NELL1: variants seen among roughly 807,000 people sequenced by gnomAD.
The protein encoded by NELL1 is neural EGFL like 1.
Under a neutral mutation model 107.4 loss-of-function variants are expected in NELL1, and 76 were observed. The ratio of observed to expected loss-of-function variants is 0.71; its 90% CI spans 0.59 to 0.86. NELL1 has a LOEUF of 0.86. Ranked by LOEUF, NELL1 falls within the 40% of genes least tolerant of loss-of-function variation. The pLI is 0.00. For missense variants in NELL1, 1,024 were observed against 1,005.5 expected (o/e 1.02, Z -0.25); for synonymous variants, 353 against 341.2 (o/e 1.03, Z -0.38).
intron 2 of NELL1, among the ~76,000 whole-genome samples, chr11:20,753,799 C>A (rs1390229961): frequency 6.6e-6 from 1 of 152,200 alleles, no homozygotes; most frequent in East Asian, 1.9e-4. Context: ...TATATTTAGG[C>A]AGGCTGTCCC....
chr11:20,868,466 G>A (rs1159747447), intron 4 of NELL1, among the ~76,000 whole-genome samples: 2 of 152,068 alleles, frequency 1.3e-5, no homozygotes, highest in African/African-American at 2.4e-5. Context: ...AGATAGTGGT[G>A]ATAATTGCAT....
intron 15 of NELL1, among the ~76,000 whole-genome samples, chr11:21,459,961 A>C (rs764098541): frequency 2.6e-5 from 4 of 152,082 alleles, no homozygotes; most frequent in Non-Finnish European, 4.4e-5. Context: ...TTATATTCTT[A>C]TGTTCAGAAC....
chr11:21,140,522 G>A (rs1260751185), intron 13 of NELL1, among the ~76,000 whole-genome samples: 1 of 152,140 alleles, frequency 6.6e-6, no homozygotes, highest in East Asian at 1.9e-4. Context: ...TATTCTGAAG[G>A]TCATCTCTCT....
intron 15 of NELL1, among the ~76,000 whole-genome samples, chr11:21,391,895 C>G (rs914705670): frequency 6.6e-6 from 1 of 151,730 alleles, no homozygotes; most frequent in African/African-American, 2.4e-5. Context: ...CTCAGTTTAC[C>G]TATGTGGGAT....
intron 12 of NELL1, among the ~76,000 whole-genome samples, chr11:21,048,752 A>G (rs1023136860): frequency 6.6e-6 from 1 of 152,082 alleles, no homozygotes; most frequent in Non-Finnish European, 1.5e-5. Context: ...TTCCATGCAC[A>G]TGGAATGTCC....
At chr11:21,044,424 C>T (rs1352998676) in intron 12 of NELL1, among the ~76,000 whole-genome samples, 1 of 152,072 alleles carries the variant, frequency 6.6e-6, no homozygotes, top group Non-Finnish European at 1.5e-5. Context: ...TGTTAAGCAA[C>T]GCATTTGAGA....
At chr11:21,440,404 G>A (rs935328621) in intron 15 of NELL1, among the ~76,000 whole-genome samples, 2 of 150,884 alleles carry the variant, frequency 1.3e-5, no homozygotes, top group Non-Finnish European at 3.0e-5. Flanking sequence ...GTTAATTAAA[G>A]TATTTATCTG....
At chr11:20,971,348 GAGA>G (rs1250825433) in intron 12 of NELL1, among the ~76,000 whole-genome samples, 3 of 152,004 alleles carry the variant, frequency 2.0e-5, no homozygotes, top group African/African-American at 7.2e-5. Context: ...AAAGAAGGAA[GAGA>G]AGAAGAAAAA....
At chr11:20,959,292 G>T (rs959029069) in intron 11 of NELL1, among the ~76,000 whole-genome samples, 2 of 152,146 alleles carry the variant, frequency 1.3e-5, no homozygotes, top group East Asian at 1.9e-4. Context: ...AGAACTAAAA[G>T]TAGAATTTGA....
chr11:21,418,727 G>A (rs1852581721), intron 15 of NELL1, among the ~76,000 whole-genome samples: 1 of 152,104 alleles, frequency 6.6e-6, no homozygotes, highest in African/African-American at 2.4e-5. Context: ...ATAAGTAGAA[G>A]TAACTTGTAT....
At chr11:20,690,380 T>C (rs1267501887) in intron 2 of NELL1, among the ~76,000 whole-genome samples, 4 of 152,264 alleles carry the variant, frequency 2.6e-5, no homozygotes, top group African/African-American at 7.2e-5. Flanking sequence ...TGAATGGTGA[T>C]GCCTGGGTTT....
rs78327689 is a variant in NELL1 at position 21,119,350 on chromosome 11, T to C, written c.1426+5636T>C. Among the ~76,000 whole-genome samples, 73 of 150,952 alleles carry C rather than the reference T, an allele frequency of 4.8e-4. 2 individuals are homozygous for C. The East Asian group carries it at 0.014, about 30-fold the overall frequency. On this transcript the variant is annotated intron_variant, in intron 13 of 19. Coordinates refer to ENST00000357134, the MANE Select transcript of NELL1 (RefSeq NM_006157.5). ...CAATGCATTACACAGAACAGGAAAC[T>C]TTAGCTCTTACCCAACATTTTTCTT... is the stretch of plus-strand genomic sequence containing the variant.
intron 11 of NELL1, among the ~76,000 whole-genome samples, chr11:20,957,305 A>C (rs1328523233): frequency 6.6e-6 from 1 of 152,254 alleles, no homozygotes; most frequent in African/African-American, 2.4e-5. Flanking sequence ...CTAAAAGCTT[A>C]GGGCTAGACT....
intron 15 of NELL1, among the ~76,000 whole-genome samples, chr11:21,471,227 T>C (rs1854172043): frequency 6.6e-6 from 1 of 151,968 alleles, no homozygotes; most frequent in African/African-American, 2.4e-5. Context: ...TTTTCAGCAG[T>C]CTTTCTCTAT....
chr11:21,179,452 T>C (rs1367757190), intron 13 of NELL1, among the ~76,000 whole-genome samples: 1 of 151,900 alleles, frequency 6.6e-6, no homozygotes, highest in African/African-American at 2.4e-5. Context: ...GTGGCTGTGC[T>C]TCATGATGTG....
At chr11:21,050,699 A>G (rs1853471009) in intron 12 of NELL1, among the ~76,000 whole-genome samples, 1 of 130,616 alleles carries the variant, frequency 7.7e-6, no homozygotes, top group Admixed American at 7.1e-5. Flanking sequence ...GGATGAAGAA[A>G]TACCAGGGTC....
At chr11:21,041,163 G>C (rs1270543752) in intron 12 of NELL1, among the ~76,000 whole-genome samples, 1 of 152,176 alleles carries the variant, frequency 6.6e-6, no homozygotes, top group East Asian at 1.9e-4. Flanking sequence ...GCACTTGACT[G>C]AGAAGGCTTG....
chr11:20,899,014 T>C (rs1275003230), intron 5 of NELL1, among the ~76,000 whole-genome samples: 1 of 152,140 alleles, frequency 6.6e-6, no homozygotes, highest in African/African-American at 2.4e-5. Context: ...TAGTAGGTAA[T>C]TAGAGGGAAA....
chr11:20,974,984 A>G (rs1359581388), intron 12 of NELL1, among the ~76,000 whole-genome samples: 1 of 152,006 alleles, frequency 6.6e-6, no homozygotes, highest in Non-Finnish European at 1.5e-5. Context: ...CATTAACATT[A>G]TTTCCATAGG....
Sources: gnomAD v4.1 joint callset for allele counts (sites outside exome capture counted in the v4.1 genomes callset) on GRCh38, gnomAD v4.1.1 for gene constraint, MANE v1.5 for transcripts, NCBI Gene and HGNC (gene_info 2026-07-23, HGNC 2026-07-21) for gene names.